The following TMEM165 variants were observed in gnomAD, a reference collection of about 807,000 sequenced individuals.
TMEM165 encodes putative divalent cation/proton antiporter TMEM165.
In TMEM165, 19 loss-of-function variants were observed where a neutral mutation model predicts 30.0. The observed-to-expected ratio is 0.63, with a 90% CI of 0.44 to 0.93. The LOEUF is 0.93. Among genes scored for constraint, TMEM165 ranks in the 40% least tolerant of loss-of-function variants. The pLI, the probability that TMEM165 is intolerant of heterozygous loss-of-function variation, is 0.00. For synonymous variants in TMEM165, 168 were observed against 162.9 expected, an observed-to-expected ratio of 1.03 and a Z score of -0.24; for missense variants, 340 against 417.0, an observed-to-expected ratio of 0.82 and a Z score of 1.61.
At chr4:55,402,898 TCTC>T (rs1721090423) in intron 1 of TMEM165, among the ~76,000 whole-genome samples, 1 of 141,506 alleles carries the variant, frequency 7.1e-6, no homozygotes, top group Non-Finnish European at 1.5e-5. Context: ...TTCACGCCAT[TCTC>T]CTGCGTCAGC....
intron 3 of TMEM165, chr4:55,442,268 A>C: frequency 1.5e-6 from 1 of 676,566 alleles, no homozygotes; most frequent in Non-Finnish European, 2.5e-6. Context: ...TGAAGTCTTT[A>C]AACAATGAAT....
intron 1 of TMEM165, among the ~76,000 whole-genome samples, chr4:55,397,960 C>T (rs1720801721): frequency 6.6e-6 from 1 of 151,648 alleles, no homozygotes; most frequent in Non-Finnish European, 1.5e-5. Flanking sequence ...CGAGTCTAGT[C>T]TCAAACTCCT....
At chr4:55,397,988 C>T (rs1159208996) in intron 1 of TMEM165, among the ~76,000 whole-genome samples, 1 of 152,204 alleles carries the variant, frequency 6.6e-6, no homozygotes, top group African/African-American at 2.4e-5. Context: ...AGCGCTTCTC[C>T]GGCCTTGGCC....
chr4:55,424,110 C>T (rs1158149606), intron 4 of TMEM165: 1 of 156,346 alleles, frequency 6.4e-6, no homozygotes. Flanking sequence ...TTTCTGTTCC[C>T]AGGAAGCAGA....
At chr4:55,410,751 A>G (rs1721456189) in intron 1 of TMEM165, among the ~76,000 whole-genome samples, 1 of 152,226 alleles carries the variant, frequency 6.6e-6, no homozygotes, top group African/African-American at 2.4e-5. Context: ...TTTTTTAAAC[A>G]TACCTGGGTC....
intron 4 of TMEM165, among the ~76,000 whole-genome samples, chr4:55,420,106 A>AAAAAAATAT (rs1474254120): frequency 1.8e-4 from 8 of 45,456 alleles, no homozygotes; most frequent in South Asian, 2.0e-3. Flanking sequence ...AAGAAAAAAA[A>AAAAAAATAT]ATATATATAT....
intron 1 of TMEM165, among the ~76,000 whole-genome samples, chr4:55,401,831 T>C (rs1560386819): frequency 6.7e-6 from 1 of 149,992 alleles, no homozygotes; most frequent in Non-Finnish European, 1.5e-5. Context: ...ATAAAATCAA[T>C]GAAGGCCGGG....
At chr4:55,447,962 C>G (rs1350218763) in intron 3 of TMEM165, among the ~76,000 whole-genome samples, 1 of 152,148 alleles carries the variant, frequency 6.6e-6, no homozygotes, top group Non-Finnish European at 1.5e-5. Context: ...AAGTTAGGCT[C>G]TAAAGTAACA....
At chr4:55,441,658 C>T (rs1723377767) in intron 3 of TMEM165, among the ~76,000 whole-genome samples, 1 of 152,158 alleles carries the variant, frequency 6.6e-6, no homozygotes, top group Admixed American at 6.5e-5. Flanking sequence ...TATATTCTCA[C>T]TTGTAAGTGG....
intron 2 of TMEM165, among the ~76,000 whole-genome samples, chr4:55,413,915 G>A (rs937532343): frequency 1.3e-5 from 2 of 152,160 alleles, no homozygotes; most frequent in African/African-American, 4.8e-5. Context: ...TATTGATACA[G>A]TACTTGAATC....
intron 1 of TMEM165, among the ~76,000 whole-genome samples, chr4:55,402,119 C>CAAAAAAAAAAAAAAAAAAAA (rs71194551): frequency 4.7e-5 from 5 of 106,966 alleles, no homozygotes; most frequent in African/African-American, 2.4e-4. Flanking sequence ...ACTCTGTCTC[C>CAAAAAAAAAAAAAAAAAAAA]AAAAAAAAAA....
chr4:55,416,516 A>G (rs529702457), intron 2 of TMEM165, among the ~76,000 whole-genome samples: 1 of 152,212 alleles, frequency 6.6e-6, no homozygotes, highest in Non-Finnish European at 1.5e-5. Flanking sequence ...TTTTAATATA[A>G]TAAGAAATTT....
At chr4:55,398,518 T>C (rs771582382) in intron 1 of TMEM165, among the ~76,000 whole-genome samples, 30 of 152,280 alleles carry the variant, frequency 2.0e-4, no homozygotes, top group Non-Finnish European at 3.7e-4. Flanking sequence ...AATTCACTAA[T>C]GGATTTTAAT....
intron 2 of TMEM165, chr4:55,415,857 T>G (rs1012351661): frequency 6.6e-6 from 1 of 151,996 alleles, no homozygotes; most frequent in African/African-American, 2.4e-5. Flanking sequence ...TTTTCTTTCT[T>G]TCTTTTTTTT....
chr4:55,396,072 C>G lies in TMEM165; in HGVS notation c.-118C>G, dbSNP rs1036597702. 2 of 844,236 alleles carry G rather than the reference C, an allele frequency of 2.4e-6. No individual in the cohort carries two copies. The highest frequency in any genetic ancestry group is 3.6e-5 in the African/African-American group (2 of 54,954). The allele number at this position is 844,236 out of a possible 1,614,324, so 52.3% of individuals were successfully genotyped here. ...CCTCCCGGATGGTGCTGACTGCTCC[C>G]TAAGCGGCGGCGGCGGCGAGTCGTG... On this transcript the variant is annotated 5_prime_UTR_variant, in exon 1 of 6. Transcript: ENST00000381334.
At chr4:55,406,191 T>C (rs1445350877) in intron 1 of TMEM165, among the ~76,000 whole-genome samples, 1 of 152,350 alleles carries the variant, frequency 6.6e-6, no homozygotes, top group East Asian at 1.9e-4. Flanking sequence ...TGCTTTTTGG[T>C]TGGACCTGCC....
intron 1 of TMEM165, among the ~76,000 whole-genome samples, chr4:55,400,288 TTATATATA>T (rs1720920948): frequency 1.0e-5 from 1 of 98,368 alleles, no homozygotes; most frequent in Non-Finnish European, 1.8e-5. Context: ...ATATTATATA[TTATATATA>T]ATATTATATA....
At chr4:55,439,730 T>C (rs1723193121) in intron 3 of TMEM165, among the ~76,000 whole-genome samples, 1 of 152,158 alleles carries the variant, frequency 6.6e-6, no homozygotes, top group Non-Finnish European at 1.5e-5. Context: ...CTGAGAACAT[T>C]ATCCTAAGTA....
chr4:55,432,494 A>G (rs981917574), intron 3 of TMEM165: 7 of 101,418 alleles, frequency 6.9e-5, no homozygotes, highest in African/African-American at 2.0e-4. Flanking sequence ...TTTTTTTTTA[A>G]AGCTGGAAGG....
Sources: allele counts gnomAD v4.1 joint callset (sites outside exome capture counted in the v4.1 genomes callset), GRCh38; gene constraint gnomAD v4.1.1; transcripts MANE v1.5; gene names NCBI Gene and HGNC (gene_info 2026-07-23, HGNC 2026-07-21).